The following CMSS1 variants were observed in gnomAD, a reference collection of about 807,000 sequenced individuals.
The protein encoded by CMSS1 is cms1 ribosomal small subunit homolog.
CMSS1 carries 33 observed loss-of-function variants against 43.5 expected under a neutral mutation model. That is an observed-to-expected ratio of 0.76 (90% confidence interval 0.57 to 1.01). The LOEUF (loss-of-function observed/expected upper bound fraction) is 1.01, where lower values mean the gene tolerates loss of function less well. CMSS1 is among the 50% of genes least tolerant of loss of function. The pLI, the probability that CMSS1 is intolerant of heterozygous loss-of-function variation, is 0.00. For missense variants in CMSS1, 313 were observed against 326.4 expected (o/e 0.96, Z 0.32); for synonymous variants, 115 against 117.2 (o/e 0.98, Z 0.12).
At chr3:99,986,890 C>T (rs976205005) in intron 1 of CMSS1, among the ~76,000 whole-genome samples, 7 of 152,076 alleles carry the variant, frequency 4.6e-5, no homozygotes, top group African/African-American at 7.2e-5. Flanking sequence ...GGTGGAGAAA[C>T]CCTGATCTAG....
intron 1 of CMSS1, among the ~76,000 whole-genome samples, chr3:99,973,669 T>C (rs554823673): frequency 2.0e-5 from 3 of 152,206 alleles, no homozygotes; most frequent in Non-Finnish European, 2.9e-5. Context: ...GTAAGAAGAA[T>C]AATAAACACA....
chr3:99,904,895 CTT>C (rs1432883076), intron 1 of CMSS1, among the ~76,000 whole-genome samples: 1 of 152,196 alleles, frequency 6.6e-6, no homozygotes, highest in African/African-American at 2.4e-5. Context: ...TTATTACACT[CTT>C]TACGTCTACA....
At chr3:99,893,278 G>C (rs1429863253) in intron 1 of CMSS1, among the ~76,000 whole-genome samples, 1 of 147,580 alleles carries the variant, frequency 6.8e-6, no homozygotes, top group African/African-American at 2.5e-5. Context: ...CCATTCTCCT[G>C]TCTCAGCCTC....
intron 1 of CMSS1, among the ~76,000 whole-genome samples, chr3:99,918,227 T>TG (rs1440176965): frequency 1.3e-5 from 2 of 152,062 alleles, no homozygotes; most frequent in African/African-American, 4.8e-5. Context: ...CTCCCTGCCT[T>TG]GGCTTCCCAA....
intron 1 of CMSS1, among the ~76,000 whole-genome samples, chr3:100,038,244 C>A (rs1258951152): frequency 6.6e-6 from 1 of 152,104 alleles, no homozygotes; most frequent in Non-Finnish European, 1.5e-5. Flanking sequence ...GCGTGAGCCA[C>A]CACGCCCGGC....
chr3:100,047,989 C>T (rs1438087534), intron 1 of CMSS1, among the ~76,000 whole-genome samples: 1 of 152,130 alleles, frequency 6.6e-6, no homozygotes, highest in Non-Finnish European at 1.5e-5. Context: ...TAAATATACC[C>T]TCCTAAGAAA....
intron 1 of CMSS1, among the ~76,000 whole-genome samples, chr3:99,957,710 T>A: frequency 7.6e-6 from 1 of 132,346 alleles, no homozygotes; most frequent in Non-Finnish European, 1.6e-5. Flanking sequence ...TTTTTTTTTT[T>A]TTTTTTTTTT....
chr3:99,819,018 A>G (rs1170664409), intron 1 of CMSS1, among the ~76,000 whole-genome samples: 1 of 152,266 alleles, frequency 6.6e-6, no homozygotes, highest in Non-Finnish European at 1.5e-5. Flanking sequence ...TACTTCTGTC[A>G]TCCACAGGGC....
intron 1 of CMSS1, among the ~76,000 whole-genome samples, chr3:99,872,833 G>C (rs1473934414): frequency 4.6e-5 from 7 of 151,948 alleles, no homozygotes; most frequent in Admixed American, 4.6e-4. Context: ...GACTTTCCTT[G>C]GTAAGCCTTC....
Position 100,081,499 on chromosome 3 carries a change from T to C in CMSS1, c.65-65474T>C, listed in dbSNP as rs377523553. 1.9e-4 allele frequency among the ~76,000 whole-genome samples: 29 copies of C among 152,286 alleles called. No individual in the cohort carries two copies. The East Asian group carries it at 2.9e-3, about 15-fold the overall frequency. ...AACCCTTATCTTCCATGTATACTTA[T>C]GTAGAAAGATATCTCTGTGGATAGC... On this transcript the variant is annotated intron_variant, in intron 1 of 9. Coordinates refer to ENST00000421999, the MANE Select transcript of CMSS1 (RefSeq NM_032359.4).
chr3:100,009,249 T>C (rs1338502514), intron 1 of CMSS1, among the ~76,000 whole-genome samples: 4 of 152,220 alleles, frequency 2.6e-5, no homozygotes, highest in Non-Finnish European at 1.5e-5. Flanking sequence ...ATCAAGAATA[T>C]AAGATCTATC....
chr3:100,158,260 C>T (rs895137043), intron 2 of CMSS1, among the ~76,000 whole-genome samples: 3 of 152,078 alleles, frequency 2.0e-5, no homozygotes, highest in Non-Finnish European at 1.5e-5. Context: ...TAGTTGCTTC[C>T]CTTAAAAGCA....
intron 1 of CMSS1, among the ~76,000 whole-genome samples, chr3:99,924,769 G>C (rs1707237682): frequency 6.6e-6 from 1 of 152,146 alleles, no homozygotes; most frequent in African/African-American, 2.4e-5. Flanking sequence ...TGGTCTGCCT[G>C]CTTCGGCCTC....
intron 1 of CMSS1, among the ~76,000 whole-genome samples, chr3:99,875,738 TATAG>T (rs1705479329): frequency 6.6e-6 from 1 of 152,098 alleles, no homozygotes; most frequent in Admixed American, 6.5e-5. Flanking sequence ...TGCAGTACAA[TATAG>T]TCTCCCCCAC....
chr3:100,013,993 T>C (rs551664439), intron 1 of CMSS1, among the ~76,000 whole-genome samples: 112 of 152,194 alleles, frequency 7.4e-4, no homozygotes, highest in African/African-American at 2.6e-3. Context: ...TGCCCCTTGC[T>C]CCTGGCAACT....
intron 1 of CMSS1, among the ~76,000 whole-genome samples, chr3:99,820,877 G>A (rs553426799): frequency 6.6e-6 from 1 of 152,322 alleles, no homozygotes; most frequent in South Asian, 2.1e-4. Context: ...TTAAATCAGA[G>A]AAAGGAAAGA....
At chr3:100,024,859 G>A (rs758080217) in intron 1 of CMSS1, among the ~76,000 whole-genome samples, 5 of 152,134 alleles carry the variant, frequency 3.3e-5, no homozygotes, top group East Asian at 1.9e-4. Context: ...AGAAACATTC[G>A]TAGCCAAGCA....
intron 1 of CMSS1, among the ~76,000 whole-genome samples, chr3:100,060,904 C>G (rs564383955): frequency 6.6e-6 from 1 of 152,176 alleles, no homozygotes; most frequent in Non-Finnish European, 1.5e-5. Flanking sequence ...CTCTTTGAGC[C>G]ATACAGATCT....
intron 1 of CMSS1, among the ~76,000 whole-genome samples, chr3:100,014,823 T>G (rs1237692150): frequency 1.4e-5 from 2 of 148,000 alleles, no homozygotes; most frequent in East Asian, 4.0e-4. Context: ...TTTTTTTTTT[T>G]GCTGTGTCAA....
Sources: gnomAD v4.1 joint callset for allele counts (sites outside exome capture counted in the v4.1 genomes callset) on GRCh38, gnomAD v4.1.1 for gene constraint, MANE v1.5 for transcripts, NCBI Gene and HGNC (gene_info 2026-07-23, HGNC 2026-07-21) for gene names.